The following GRK7 variants were observed in gnomAD, a reference collection of about 807,000 sequenced individuals.
The protein encoded by GRK7 is rhodopsin kinase GRK7.
Under a neutral mutation model 34.1 loss-of-function variants are expected in GRK7, and 24 were observed. The ratio of observed to expected loss-of-function variants is 0.70; its 90% CI spans 0.51 to 0.99. The LOEUF (loss-of-function observed/expected upper bound fraction) is 0.99, where lower values mean the gene tolerates loss of function less well. Ranked by LOEUF, GRK7 falls within the 50% of genes least tolerant of loss-of-function variation. GRK7 has a pLI of 0.00. For synonymous variants in GRK7, 256 were observed against 279.4 expected, an observed-to-expected ratio of 0.92 and a Z score of 0.84; for missense variants, 644 against 707.3, an observed-to-expected ratio of 0.91 and a Z score of 1.02.
chr3:141,774,861 C>T (rs1279122380), intron 2 of GRK7, among the ~76,000 whole-genome samples, 181 bp downstream of exon 2: 2 of 151,708 alleles, frequency 1.3e-5, no homozygotes, highest in South Asian at 2.1e-4. Flanking sequence ...CTGTCGATCT[C>T]GGTTCACTGC....
At chr3:141,767,016 G>A (rs1252749307) in intron 1 of GRK7, among the ~76,000 whole-genome samples, 2 of 152,190 alleles carry the variant, frequency 1.3e-5, no homozygotes, top group Admixed American at 6.5e-5. Flanking sequence ...TGAGAATGCA[G>A]TCATTATTAA....
intron 4 of GRK7, among the ~76,000 whole-genome samples, chr3:141,796,430 A>G (rs1368602091): frequency 6.6e-6 from 1 of 152,198 alleles, no homozygotes; most frequent in Non-Finnish European, 1.5e-5. Flanking sequence ...ATTGTACAAG[A>G]AGCTCCAGAC....
In GRK7 at chr3:141,799,239, G is replaced by A. The variant is rs180793682; in HGVS notation, c.1051-8406G>A. 2.0e-5 allele frequency among the ~76,000 whole-genome samples: 3 copies of A among 152,308 alleles called. No individual in the cohort carries two copies. In the East Asian group the frequency reaches 5.8e-4, roughly 29 times the overall value. On this transcript the variant is annotated intron_variant, in intron 4 of 5. Transcript: ENST00000682958. ...GAAGGGGACTCTACAAGGGAGAAAA[G>A]AAATCCTGAAGGGAACTTGGAGGGG...
At chr3:141,810,248 C>A (rs551191722) in intron 5 of GRK7, among the ~76,000 whole-genome samples, 11 of 151,942 alleles carry the variant, frequency 7.2e-5, no homozygotes, top group African/African-American at 2.4e-4. Flanking sequence ...TAAATTAAAT[C>A]AATCAATCTC....
At chr3:141,813,651 G>A (rs1300427891) in intron 5 of GRK7, among the ~76,000 whole-genome samples, 1 of 152,180 alleles carries the variant, frequency 6.6e-6, no homozygotes, top group East Asian at 1.9e-4. Context: ...AGTCCAAGAA[G>A]TTCCGGATAG....
chr3:141,777,326 T>TTTTTTTTTTTTTTTTTTTTC (rs1471128874), intron 2 of GRK7, among the ~76,000 whole-genome samples: 1 of 73,936 alleles, frequency 1.4e-5, no homozygotes, highest in Non-Finnish European at 2.9e-5. Flanking sequence ...GCCCCTCTTT[T>TTTTTTTTTTTTTTTTTTTTC]TTTTTTTTTT....
At chr3:141,776,648 T>C (rs181764181) in intron 2 of GRK7, among the ~76,000 whole-genome samples, 1 of 152,268 alleles carries the variant, frequency 6.6e-6, no homozygotes, top group African/African-American at 2.4e-5. Flanking sequence ...ATTACATAAT[T>C]CCTGGTAGCA....
chr3:141,778,326 C>T lies in GRK7; in HGVS notation c.42C>T (p.Thr14=), dbSNP rs55712018. ...CCCTGGACAACCTGATCGCCAACACCGCCTACCTGCAGGCCCGGAAGCCCT... is the reference window on the plus strand; with the variant it reads ...CCCTGGACAACCTGATCGCCAACACTGCCTACCTGCAGGCCCGGAAGCCCT... ...MGALDNLIAN[T]AYLQARKPSD... is the part of the protein sequence containing the mutation. The change falls in exon 3 of 6, where the codon ACC becomes ACT. Residue 14 remains threonine, a synonymous_variant. Transcript: ENST00000682958. This position sits in a 1 kb window ranked among gnomAD's most constrained non-coding sequence, Gnocchi z 4.1. 0.011 allele frequency: 17,414 copies of T among 1,599,574 alleles called. 324 individuals carry two copies. The highest frequency in any genetic ancestry group is 0.073 in the East Asian group (3,245 of 44,602).
At position 141,819,222 on chromosome 3, in the gene GRK7, A is replaced by G. The variant is rs549531605; in HGVS notation, c.*2172A>G. Among the ~76,000 whole-genome samples, 19 of 152,176 alleles carry G rather than the reference A, an allele frequency of 1.2e-4. No individual in the cohort carries two copies. The highest frequency in any genetic ancestry group is 2.8e-4 in the Non-Finnish European group (19 of 68,026). On this transcript the variant is annotated 3_prime_UTR_variant, in exon 6 of 6. Transcript: ENST00000682958. ...TAGACATTTAAAAACAACATTGGTT[A>G]TTTGTTGATTATGCCTTAAAGCTGG...
the GRK7 span, among the ~76,000 whole-genome samples, chr3:141,755,429 T>C: frequency 4.6e-5 from 7 of 151,412 alleles, no homozygotes; most frequent in African/African-American, 1.5e-4. Flanking sequence ...CTCTACAACA[T>C]TTAGCTTCTC....
chr3:141,750,027 AAAG>A, the GRK7 span, among the ~76,000 whole-genome samples: 154 of 152,220 alleles, frequency 1.0e-3, no homozygotes, highest in African/African-American at 3.6e-3. Flanking sequence ...AAAAAAAAAA[AAAG>A]AAATATGAAT....
chr3:141,778,999 C>A lies in GRK7; in HGVS notation c.612+103C>A. 9.0e-7 allele frequency: 1 copy of A among 1,117,238 alleles called. No homozygotes were observed. 69.2% of individuals were successfully genotyped at this position (1,117,238 alleles called of 1,614,324 possible). On this transcript the variant is annotated intron_variant, in intron 3 of 5. Coordinates refer to ENST00000682958, the MANE Select transcript of GRK7 (RefSeq NM_139209.3). The surrounding 1 kb of genome is among the most constrained non-coding windows in gnomAD (Gnocchi z 4.1). ...AATCTCAGTTACTTAGAACTAATTTCAGCACCATATGTGGAGGATTTCTAG... is the reference window on the plus strand; with the variant it reads ...AATCTCAGTTACTTAGAACTAATTTAAGCACCATATGTGGAGGATTTCTAG...
chr3:141,767,546 A>G (rs1259353631), intron 1 of GRK7, among the ~76,000 whole-genome samples: 2 of 152,040 alleles, frequency 1.3e-5, no homozygotes, highest in African/African-American at 4.8e-5. Flanking sequence ...GACTATAGGC[A>G]TGTGCCACCA....
chr3:141,801,031 C>T (rs1388316003), intron 4 of GRK7, among the ~76,000 whole-genome samples: 1 of 152,052 alleles, frequency 6.6e-6, no homozygotes, highest in South Asian at 2.1e-4. Context: ...AATGCATGGG[C>T]CGGGTGCAGT....
At chr3:141,757,129 C>CTTTTTTTTTTCTTTTTTTTT in the GRK7 span, among the ~76,000 whole-genome samples, 1 of 101,362 alleles carries the variant, frequency 9.9e-6, no homozygotes, top group African/African-American at 4.1e-5. Flanking sequence ...AGATCTTCTT[C>CTTTTTTTTTTCTTTTTTTTT]TTTTTTTTTT....
intron 4 of GRK7, among the ~76,000 whole-genome samples, chr3:141,795,176 A>C (rs1164432291): frequency 6.6e-6 from 1 of 152,216 alleles, no homozygotes; most frequent in African/African-American, 2.4e-5. Context: ...AGGAAGGAGC[A>C]TGCGCTAGGT....
In GRK7 at chr3:141,778,643, G is replaced by C; in HGVS notation, c.359G>C (p.Gly120Ala). 6.2e-7 allele frequency: 1 copy of C among 1,613,080 alleles called. No homozygotes were observed. Among genetic ancestry groups the C allele is most frequent in the Non-Finnish European group, 8.5e-7 (1 of 1,179,678 alleles). The change falls in exon 3 of 6, where the codon GGG becomes GCG. Residue 120 changes from glycine to alanine, a missense_variant. Physicochemically the swap from Gly to Ala is moderately conservative, Grantham distance 60. Transcript: ENST00000682958. The surrounding 1 kb of genome is among the most constrained non-coding windows in gnomAD (Gnocchi z 4.1). ...VATCASAPAPGNPQPFLSQAV... is the reference protein window; with the variant it reads ...VATCASAPAPANPQPFLSQAV... ...ACTTGTGCGAGTGCCCCTGCCCCGG[G>C]GAACCCGCAACCCTTCCTCAGCCAG... is the stretch of plus-strand genomic sequence containing the variant.
chr3:141,786,208 T>A (rs531345834), intron 4 of GRK7, among the ~76,000 whole-genome samples: 1 of 152,256 alleles, frequency 6.6e-6, no homozygotes, highest in African/African-American at 2.4e-5. Context: ...TTGGGTGAGC[T>A]GACAGCATCT....
At chr3:141,760,815 T>G (rs1263587567), upstream of GRK7, among the ~76,000 whole-genome samples, 2 of 120,808 alleles carry the variant, frequency 1.7e-5, no homozygotes, top group Non-Finnish European at 3.5e-5. Context: ...TGGGTGCATA[T>G]ATATTTAGGA....
Sources: gnomAD v4.1 joint callset for allele counts (sites outside exome capture counted in the v4.1 genomes callset) on GRCh38, gnomAD v4.1.1 for gene constraint, Gnocchi (gnomAD v3.1) non-coding constraint, MANE v1.5 for transcripts, NCBI Gene and HGNC (gene_info 2026-07-23, HGNC 2026-07-21) for gene names.